KY: variants seen among roughly 807,000 people sequenced by gnomAD.
KY encodes the protein kyphoscoliosis peptidase.
Under a neutral mutation model 76.1 loss-of-function variants are expected in KY, and 43 were observed. The ratio of observed to expected loss-of-function variants is 0.57; its 90% CI spans 0.44 to 0.73. The LOEUF is 0.73. Ranked by LOEUF, KY falls within the 30% of genes least tolerant of loss-of-function variation. KY has a pLI of 0.00. For synonymous variants in KY, 277 were observed against 326.2 expected (o/e 0.85, Z 1.63); for missense variants, 722 against 828.9 (o/e 0.87, Z 1.58).
intron 3 of KY, among the ~76,000 whole-genome samples, chr3:134,630,854 T>C (rs554436778): frequency 6.6e-6 from 1 of 152,088 alleles, no homozygotes; most frequent in South Asian, 2.1e-4. Context: ...TAACAAGTAA[T>C]AGCAAACAGT....
intron 10 of KY, among the ~76,000 whole-genome samples, chr3:134,606,534 A>G (rs886560551): frequency 1.3e-5 from 2 of 152,156 alleles, no homozygotes; most frequent in African/African-American, 4.8e-5. Context: ...GTTCCCTGGC[A>G]GCTTCTCTCC....
intron 1 of KY, among the ~76,000 whole-genome samples, chr3:134,649,157 C>T (rs370431014): frequency 6.6e-5 from 10 of 152,186 alleles, no homozygotes; most frequent in South Asian, 2.1e-4. Context: ...TTCATAGCAT[C>T]GGTGAGAAAC....
intron 1 of KY, among the ~76,000 whole-genome samples, chr3:134,647,996 A>T (rs530980895): frequency 6.6e-6 from 1 of 152,146 alleles, no homozygotes; most frequent in African/African-American, 2.4e-5. Flanking sequence ...TGGCCTAGCC[A>T]TGGCCAATCT....
chr3:134,640,415 T>G (rs1310340274), intron 3 of KY, among the ~76,000 whole-genome samples: 6 of 152,258 alleles, frequency 3.9e-5, no homozygotes, highest in South Asian at 2.1e-4. Flanking sequence ...AAAATGAGGA[T>G]GATAACCTTC....
chr3:134,610,796 A>G (rs1157863795), intron 8 of KY: 1 of 160,426 alleles, frequency 6.2e-6, no homozygotes, highest in Non-Finnish European at 1.4e-5. Context: ...AACAAAACCT[A>G]CATGTAAGGG....
intron 4 of KY, 102 bp from the exon 5 acceptor site, chr3:134,627,920 CT>C: frequency 2.4e-6 from 2 of 833,688 alleles, no homozygotes; most frequent in Non-Finnish European, 2.0e-6. Context: ...GACCCCTCCT[CT>C]TTACTCTCCT....
Position 134,604,408 on chromosome 3 carries a change from C to T in KY, c.1157G>A (p.Gly386Asp), listed in dbSNP as rs779511507. Residue 386 changes from glycine to aspartate, a missense_variant, in exon 11 of 11, where the codon GGC becomes GAC. Around this residue, in one of 2 missense-constraint regions of KY, gnomAD observed 552 missense variants for 680.9 expected, o/e 0.81. Coordinates refer to ENST00000423778, the MANE Select transcript of KY (RefSeq NM_178554.6). ...GCTCAGCAGCCCATGCTCTTGCTTG[C>T]CATTGAGCATGAACATGAACAGCGT... ...APTLFMFMLN[G>D]KQEHGLLSLR... 1.2e-6 allele frequency: 2 copies of T among 1,613,972 alleles called. No homozygotes were observed. Among genetic ancestry groups the T allele is most frequent in the Non-Finnish European group, 1.7e-6 (2 of 1,179,868 alleles).
In KY at chr3:134,603,564, A is replaced by G. The variant is rs765599478; in HGVS notation, c.*15T>C. 1.3e-6 allele frequency: 2 copies of G among 1,556,594 alleles called. No homozygotes were observed. Among genetic ancestry groups the G allele is most frequent in the Admixed American group, 3.6e-5 (2 of 55,856 alleles). ...GGCCTTGGCCCTTTGGGAGGGTAAGACCGGGGCACAGCCCTCACTGGGCAT... is the reference window on the plus strand; with the variant it reads ...GGCCTTGGCCCTTTGGGAGGGTAAGGCCGGGGCACAGCCCTCACTGGGCAT... On this transcript the variant is annotated 3_prime_UTR_variant, in exon 11 of 11. Transcript: ENST00000423778.
At chr3:134,628,068 A>T (rs1963702923) in intron 4 of KY, 1 of 562,410 alleles carries the variant, frequency 1.8e-6, no homozygotes, top group African/African-American at 1.9e-5. Flanking sequence ...CTGCAACTGG[A>T]GTTAGTATTT....
At chr3:134,611,443 A>G (rs1388085365) in intron 8 of KY, among the ~76,000 whole-genome samples, 2 of 152,206 alleles carry the variant, frequency 1.3e-5, no homozygotes, top group Non-Finnish European at 2.9e-5. Context: ...AGCCAAGGGG[A>G]TGGACTGTGC....
chr3:134,630,526 AGAG>A (rs1432932117), intron 3 of KY, among the ~76,000 whole-genome samples: 1 of 152,220 alleles, frequency 6.6e-6, no homozygotes, highest in Non-Finnish European at 1.5e-5. Flanking sequence ...TGGGTCATGA[AGAG>A]GAGGGAGCTC....
chr3:134,628,146 G>T, intron 4 of KY: 1 of 355,414 alleles, frequency 2.8e-6, no homozygotes, highest in Non-Finnish European at 5.2e-6. Flanking sequence ...CCCTCTTTTG[G>T]AGTTTCCTGC....
Position 134,608,816 on chromosome 3 carries a change from G to A in KY, c.923C>T (p.Thr308Ile), listed in dbSNP as rs1490849854. The A allele has an allele frequency of 1.2e-6, 2 of 1,612,518 alleles. No individual in the cohort carries two copies. The highest frequency in any genetic ancestry group is 2.2e-5 in the South Asian group (2 of 91,036). Residue 308 changes from threonine (T) to isoleucine (I), a missense_variant, in exon 10 of 11, where the codon ACC (threonine) becomes ATC (isoleucine). Coordinates refer to ENST00000423778, the MANE Select transcript of KY (RefSeq NM_178554.6). ...TFLYNEFYFL[T>I]HPALFIEDHF... The stretch of plus-strand genomic sequence containing the variant: ...GTCCTCGATGAACAGTGCAGGGTGG[G>A]TGAGGAAGTAGAACTCATTGTAGCT...
intron 3 of KY, chr3:134,641,313 G>A (rs1385650011): frequency 6.6e-6 from 1 of 152,220 alleles, no homozygotes; most frequent in Non-Finnish European, 1.5e-5. Context: ...AGAGGACTAT[G>A]TGGATGTGAT....
chr3:134,605,059 C>T (rs778533408), intron 10 of KY, among the ~76,000 whole-genome samples: 5 of 151,790 alleles, frequency 3.3e-5, no homozygotes, highest in Non-Finnish European at 5.9e-5. Flanking sequence ...AGCCATGTTT[C>T]AGGAATGGGT....
At chr3:134,617,534 A>G (rs1196918388) in intron 8 of KY, among the ~76,000 whole-genome samples, 1 of 152,240 alleles carries the variant, frequency 6.6e-6, no homozygotes, top group Non-Finnish European at 1.5e-5. Context: ...CACAGAACAC[A>G]GTCTGGAAAG....
intron 6 of KY, among the ~76,000 whole-genome samples, chr3:134,622,221 A>G (rs187320203): frequency 1.3e-5 from 2 of 152,298 alleles, no homozygotes; most frequent in East Asian, 3.9e-4. Flanking sequence ...GTACGCAACC[A>G]AAAAAACCGA....
At chr3:134,648,988 T>C (rs964119598) in intron 1 of KY, among the ~76,000 whole-genome samples, 1 of 152,126 alleles carries the variant, frequency 6.6e-6, no homozygotes, top group African/African-American at 2.4e-5. Flanking sequence ...TTATTGGGCA[T>C]TTTCCTCCCT....
At chr3:134,640,911 T>G (rs1374305657) in intron 3 of KY, among the ~76,000 whole-genome samples, 3 of 152,194 alleles carry the variant, frequency 2.0e-5, no homozygotes. Flanking sequence ...GCATTGGATG[T>G]CTACAACCAT....
Sources: gnomAD v4.1 joint callset for allele counts (sites outside exome capture counted in the v4.1 genomes callset) on GRCh38, gnomAD v4.1.1 for gene constraint, gnomAD v4.1.1 regional missense constraint, MANE v1.5 for transcripts, NCBI Gene and HGNC (gene_info 2026-07-23, HGNC 2026-07-21) for gene names.